HTRA3: variants seen among roughly 807,000 people sequenced by gnomAD.
HTRA3 encodes HtrA serine peptidase 3.
Under a neutral mutation model 43.2 loss-of-function variants are expected in HTRA3, and 41 were observed. The ratio of observed to expected loss-of-function variants is 0.95; its 90% CI spans 0.74 to 1.23. The LOEUF is 1.23. Among genes scored for constraint, HTRA3 ranks in the 50% most tolerant of loss-of-function variants. HTRA3 has a pLI of 0.00. For missense variants in HTRA3, 628 were observed against 647.1 expected (o/e 0.97, Z 0.32); for synonymous variants, 295 against 287.9 (o/e 1.02, Z -0.25).
Position 8,296,364 on chromosome 4 carries a change from G to T in HTRA3, c.1051+2163G>T. ...AAGGACAGTGCAGACTAACTGAGGAGCCTGATAAACCTTAGCTGCATGGCA... is the reference window on the plus strand; with the variant it reads ...AAGGACAGTGCAGACTAACTGAGGATCCTGATAAACCTTAGCTGCATGGCA... On this transcript the variant is annotated intron_variant, in intron 6 of 8. Coordinates refer to ENST00000307358, the MANE Select transcript of HTRA3 (RefSeq NM_053044.5). The surrounding 1 kb of genome is among the most constrained non-coding windows in gnomAD (Gnocchi z 5.3). The T allele has an allele frequency of 1.0e-6, 1 of 985,478 alleles. No individual in the cohort carries two copies. The highest frequency in any genetic ancestry group is 1.2e-6 in the Non-Finnish European group (1 of 829,966). The allele number at this position is 985,478 out of a possible 1,614,324, so 61.0% of individuals were successfully genotyped here.
rs74628627 is a variant in HTRA3 at position 8,282,354 on chromosome 4, C to T, written c.386-83C>T. ...ACAGGGGTCTCAGGAAGAGCCTCCT[C>T]CTTCTGCCCACTGGGCATAGGCCTC... On this transcript the variant is annotated intron_variant, in intron 1 of 8. Transcript: ENST00000307358. 2.1e-3 allele frequency: 2,248 copies of T among 1,088,650 alleles called. 7 individuals are homozygous for T. Among genetic ancestry groups the T allele is most frequent in the Middle Eastern group, 4.7e-3 (21 of 4,468 alleles). The allele number at this position is 1,088,650 out of a possible 1,614,324, so 67.4% of individuals were successfully genotyped here.
rs554143544 is a variant in HTRA3, at chr4:8,279,608, G to A, written c.386-2829G>A. Among the ~76,000 whole-genome samples the A allele has an allele frequency of 6.6e-6, 1 of 152,178 alleles. No individual in the cohort carries two copies. The highest frequency in any genetic ancestry group is 1.5e-5 in the Non-Finnish European group (1 of 68,030). ...TGGGTGTTGGAGTGTCTGAGTCCAG[G>A]ATGGAGACACACAGGAAGGCAGCCT... On this transcript the variant is annotated intron_variant, in intron 1 of 8. Coordinates refer to ENST00000307358, the MANE Select transcript of HTRA3 (RefSeq NM_053044.5). The surrounding 1 kb of genome is among the most constrained non-coding windows in gnomAD (Gnocchi z 7.4).
chr4:8,274,108 A>G (rs1374139408), intron 1 of HTRA3, among the ~76,000 whole-genome samples: 2 of 152,066 alleles, frequency 1.3e-5, no homozygotes, highest in Non-Finnish European at 2.9e-5. Flanking sequence ...CTTGACTCAC[A>G]GGGCCCTGTG....
At chr4:8,282,413 A>C (rs1578793397) in intron 1 of HTRA3, 24 bp from the exon 2 acceptor site, 1 of 1,589,174 alleles carries the variant, frequency 6.3e-7, no homozygotes, top group Non-Finnish European at 8.6e-7. Context: ...TCACTGATGC[A>C]CCTGGCCCTT....
intron 6 of HTRA3, among the ~76,000 whole-genome samples, chr4:8,298,043 C>T (rs1419765559): frequency 2.0e-5 from 3 of 152,296 alleles, no homozygotes; most frequent in South Asian, 4.1e-4. Context: ...GCCTCGTCGC[C>T]GCTCCGCCTC....
At chr4:8,299,056 T>G (rs1395082185) in intron 6 of HTRA3, among the ~76,000 whole-genome samples, 1 of 152,224 alleles carries the variant, frequency 6.6e-6, no homozygotes, top group Non-Finnish European at 1.5e-5. Flanking sequence ...TTCCATTGAA[T>G]TTACAGATCA....
At position 8,295,108 on chromosome 4, in the gene HTRA3, C is replaced by T. The variant is rs1279604394; in HGVS notation, c.1051+907C>T. On this transcript the variant is annotated intron_variant, in intron 6 of 8. Transcript: ENST00000307358. The surrounding 1 kb of genome is among the most constrained non-coding windows in gnomAD (Gnocchi z 6.9). ...CTTTTTTTCCTTCTCTCCTTCCTTC[C>T]ACCCATCCACCCACCCACTCATTCA... Among the ~76,000 whole-genome samples the T allele has an allele frequency of 6.7e-6, 1 of 150,288 alleles. No individual in the cohort carries two copies. Among genetic ancestry groups the T allele is most frequent in the African/African-American group, 2.4e-5 (1 of 40,822 alleles).
At position 8,295,877 on chromosome 4, in the gene HTRA3, A is replaced by G. The variant is rs1050361747; in HGVS notation, c.1051+1676A>G. 3.2e-6 allele frequency: 4 copies of G among 1,234,202 alleles called. No homozygotes were observed. In the African/African-American group the frequency reaches 6.2e-5, roughly 19 times the overall value. The allele number at this position is 1,234,202 out of a possible 1,614,324, so 76.5% of individuals were successfully genotyped here. A position where few individuals can be genotyped will look rare whatever the true frequency, so the allele number is the denominator to read the frequency against. ...CTTCTGTGTCCATTATGGGAAGACA[A>G]TCTGGAGCCAGGCAGAGCCTGTCTT... On this transcript the variant is annotated intron_variant, in intron 6 of 8. Coordinates refer to ENST00000307358, the MANE Select transcript of HTRA3 (RefSeq NM_053044.5). This position sits in a 1 kb window ranked among gnomAD's most constrained non-coding sequence, Gnocchi z 6.9.
intron 3 of HTRA3, among the ~76,000 whole-genome samples, chr4:8,290,611 A>C (rs1002555231): frequency 6.6e-6 from 1 of 152,138 alleles, no homozygotes; most frequent in African/African-American, 2.4e-5. Context: ...CGCCTTCCCC[A>C]ATTTATCGTG....
At position 8,297,145 on chromosome 4, in the gene HTRA3, C is replaced by T. The variant is rs777118581; in HGVS notation, c.1051+2944C>T. Among the ~76,000 whole-genome samples the T allele has an allele frequency of 5.3e-5, 8 of 151,986 alleles. No individual in the cohort carries two copies. The highest frequency in any genetic ancestry group is 1.3e-4 in the Admixed American group (2 of 15,260). On this transcript the variant is annotated intron_variant, in intron 6 of 8. Transcript: ENST00000307358. The surrounding 1 kb of genome is among the most constrained non-coding windows in gnomAD (Gnocchi z 5.8). ...TGCTGGGTAGAGTCCTGAGTCCTTC[C>T]CAATAGTGGAAAAGTCTGGGGAAGG...
chr4:8,299,402 T>C (rs1331987690), intron 6 of HTRA3, among the ~76,000 whole-genome samples: 1 of 152,252 alleles, frequency 6.6e-6, no homozygotes. Context: ...TTCCATCAGA[T>C]TTCCTACATA....
intron 3 of HTRA3, among the ~76,000 whole-genome samples, 159 bp from the exon 4 acceptor site, chr4:8,291,211 G>T (rs1026394060): frequency 7.9e-5 from 12 of 152,326 alleles, no homozygotes; most frequent in African/African-American, 2.9e-4. Context: ...CCCTGGTCTT[G>T]GTCTGCACTG....
intron 1 of HTRA3, among the ~76,000 whole-genome samples, chr4:8,271,071 AG>A (rs975583640): frequency 1.3e-4 from 20 of 152,132 alleles, no homozygotes; most frequent in African/African-American, 4.8e-4. Context: ...GACGGGCCCC[AG>A]GTTCATGGAT....
At position 8,277,206 on chromosome 4, in the gene HTRA3, G is replaced by T. The variant is rs531570150; in HGVS notation, c.386-5231G>T. Among the ~76,000 whole-genome samples the T allele has an allele frequency of 3.9e-5, 6 of 152,322 alleles. No individual in the cohort carries two copies. The East Asian group carries it at 1.2e-3, about 29-fold the overall frequency. On this transcript the variant is annotated intron_variant, in intron 1 of 8. Transcript: ENST00000307358. Reference sequence around the variant, plus strand: ...TCACTTGGGGACATGGCTCGGTGGGGCAAAGTTCACTAGGGGACAGGCAAG... The same window carrying T: ...TCACTTGGGGACATGGCTCGGTGGGTCAAAGTTCACTAGGGGACAGGCAAG...
At chr4:8,272,234 T>A (rs1712309776) in intron 1 of HTRA3, among the ~76,000 whole-genome samples, 1 of 152,194 alleles carries the variant, frequency 6.6e-6, no homozygotes. Flanking sequence ...ACTTTCTCTG[T>A]GTGCCTGGCT....
rs1441529731 is a variant in HTRA3, at chr4:8,296,931, A to G, written c.1051+2730A>G. ...ATCTCTGACATCACAGGATTCCTCG[A>G]TCTCAGAGGCCACAGGGTTCCTTAG... On this transcript the variant is annotated intron_variant, in intron 6 of 8. Coordinates refer to ENST00000307358, the MANE Select transcript of HTRA3 (RefSeq NM_053044.5). The surrounding 1 kb of genome is among the most constrained non-coding windows in gnomAD (Gnocchi z 5.3). Among the ~76,000 whole-genome samples the G allele has an allele frequency of 1.3e-5, 2 of 151,998 alleles. No homozygotes were observed. The highest frequency in any genetic ancestry group is 3.9e-4 in the East Asian group (2 of 5,186).
At chr4:8,299,792 T>C (rs1196525419) in intron 6 of HTRA3, among the ~76,000 whole-genome samples, 5 of 152,110 alleles carry the variant, frequency 3.3e-5, no homozygotes, top group Non-Finnish European at 7.4e-5. Context: ...AAACCAACTT[T>C]GCATTCCTGG....
chr4:8,271,361 T>C (rs1217129111), intron 1 of HTRA3, among the ~76,000 whole-genome samples: 1 of 152,164 alleles, frequency 6.6e-6, no homozygotes, highest in Non-Finnish European at 1.5e-5. Context: ...ACCTGCAGTG[T>C]CCTCAATTGA....
chr4:8,306,465 A>G lies in HTRA3; in HGVS notation c.*329A>G. 4.0e-6 allele frequency: 1 copy of G among 251,542 alleles called. No individual in the cohort carries two copies. Among genetic ancestry groups the G allele is most frequent in the Non-Finnish European group, 7.7e-6 (1 of 129,324 alleles). The allele number at this position is 251,542 out of a possible 1,614,324, so 15.6% of individuals were successfully genotyped here. ...CTAGCTTCCCGCCTCTGCCCCTGTG[A>G]ACACCCATCTGCAGTATCCCCTGCT... On this transcript the variant is annotated 3_prime_UTR_variant, in exon 9 of 9. Transcript: ENST00000307358. This position sits in a 1 kb window ranked among gnomAD's most constrained non-coding sequence, Gnocchi z 8.9.
Sources: gnomAD v4.1 joint callset for allele counts (sites outside exome capture counted in the v4.1 genomes callset) on GRCh38, gnomAD v4.1.1 for gene constraint, Gnocchi (gnomAD v3.1) non-coding constraint, MANE v1.5 for transcripts, NCBI Gene and HGNC (gene_info 2026-07-23, HGNC 2026-07-21) for gene names.